OR2L13: variants seen among roughly 807,000 people sequenced by gnomAD.
OR2L13 encodes olfactory receptor family 2 subfamily L member 13.
Under a neutral mutation model 15.3 loss-of-function variants are expected in OR2L13, and 14 were observed. That is an observed-to-expected ratio of 0.91 (90% CI 0.60 to 1.43). The LOEUF (loss-of-function observed/expected upper bound fraction) is 1.43. Among genes scored for constraint, OR2L13 ranks in the 40% most tolerant of loss-of-function variants. OR2L13 has a pLI of 0.00. For missense variants in OR2L13, 367 were observed against 387.9 expected, an observed-to-expected ratio of 0.95 and a Z score of 0.45; for synonymous variants, 152 against 142.9, an observed-to-expected ratio of 1.06 and a Z score of -0.45.
the OR2L13 span, among the ~76,000 whole-genome samples, chr1:248,043,897 G>A: frequency 6.6e-6 from 1 of 152,076 alleles, no homozygotes; most frequent in Non-Finnish European, 1.5e-5. Flanking sequence ...TTCTTAATTA[G>A]TATATTTTTC....
chr1:247,949,272 G>T, the OR2L13 span: 14 of 1,614,020 alleles, frequency 8.7e-6, no homozygotes, highest in South Asian at 1.4e-4. Context: ...GAGCAAAAGA[G>T]TGTGTGTGCT....
the OR2L13 span, among the ~76,000 whole-genome samples, chr1:248,072,536 C>A: frequency 6.6e-6 from 1 of 151,974 alleles, no homozygotes; most frequent in Non-Finnish European, 1.5e-5. Context: ...AGAAGAAAAC[C>A]TAGGCATTAC....
the OR2L13 span, chr1:248,083,538 A>C: frequency 1.1e-6 from 1 of 899,202 alleles, no homozygotes; most frequent in Non-Finnish European, 1.7e-6. Flanking sequence ...TCAATGCACA[A>C]ACTTAATTTT....
At chr1:248,059,380 T>C in the OR2L13 span, among the ~76,000 whole-genome samples, 1 of 152,200 alleles carries the variant, frequency 6.6e-6, no homozygotes, top group Non-Finnish European at 1.5e-5. Context: ...ATTTAAGAGA[T>C]TGAATTTTCC....
chr1:247,990,378 C>G, the OR2L13 span: 92 of 1,577,880 alleles, frequency 5.8e-5, no homozygotes, highest in East Asian at 7.0e-4. Context: ...CCTAATGGCT[C>G]TAATTGGAAA....
the OR2L13 span, among the ~76,000 whole-genome samples, chr1:247,942,471 C>T: frequency 6.6e-6 from 1 of 152,028 alleles, no homozygotes. Flanking sequence ...TTCTACTTGC[C>T]AATAATTAAA....
the OR2L13 span, among the ~76,000 whole-genome samples, chr1:248,066,048 C>T: frequency 6.6e-6 from 1 of 152,226 alleles, no homozygotes; most frequent in East Asian, 1.9e-4. Flanking sequence ...CAGAATTAAC[C>T]CTTATTTTTC....
At chr1:248,027,362 C>G in the OR2L13 span, among the ~76,000 whole-genome samples, 1 of 152,196 alleles carries the variant, frequency 6.6e-6, no homozygotes, top group African/African-American at 2.4e-5. Context: ...TCGCCCCAGT[C>G]CTGTGGTCCC....
the OR2L13 span, among the ~76,000 whole-genome samples, chr1:248,054,199 A>G: frequency 6.6e-6 from 1 of 152,162 alleles, no homozygotes; most frequent in East Asian, 1.9e-4. Context: ...TCCCAGCACC[A>G]TTTATTAAAT....
chr1:247,940,561 G>A, the OR2L13 span, among the ~76,000 whole-genome samples: 2 of 152,110 alleles, frequency 1.3e-5, no homozygotes, highest in Non-Finnish European at 2.9e-5. Flanking sequence ...TGTTATCAAA[G>A]TTTTGGGTTG....
chr1:248,030,713 T>G, the OR2L13 span, among the ~76,000 whole-genome samples: 1 of 152,170 alleles, frequency 6.6e-6, no homozygotes, highest in South Asian at 2.1e-4. Flanking sequence ...GCTTACAAAC[T>G]CTGAATCTCA....
the OR2L13 span, chr1:248,084,065 G>A: frequency 4.3e-4 from 694 of 1,610,946 alleles, no homozygotes; most frequent in African/African-American, 7.3e-3. Context: ...CGGGGGCCTC[G>A]CAGAAGAAGT....
At chr1:248,083,617 G>T in the OR2L13 span, 3 of 1,348,424 alleles carry the variant, frequency 2.2e-6, no homozygotes, top group African/African-American at 2.9e-5. Flanking sequence ...GGAACTTAGA[G>T]TCATTTGACA....
At chr1:248,056,165 A>T in the OR2L13 span, among the ~76,000 whole-genome samples, 149,387 of 152,240 alleles carry the variant, frequency 0.98, 73,356 homozygotes, top group Middle Eastern at 1. Flanking sequence ...CTCTCTTTAC[A>T]TCTTTATTAT....
At chr1:248,074,680 A>G in the OR2L13 span, among the ~76,000 whole-genome samples, 1 of 151,920 alleles carries the variant, frequency 6.6e-6, no homozygotes, top group Non-Finnish European at 1.5e-5. Flanking sequence ...ACTACTAAAG[A>G]GGTTAAGGAG....
the OR2L13 span, among the ~76,000 whole-genome samples, chr1:248,048,480 T>C: frequency 1.3e-5 from 2 of 152,184 alleles, no homozygotes; most frequent in African/African-American, 4.8e-5. Context: ...TGTGGAGAGC[T>C]GTCCTTGTCT....
chr1:248,077,262 T>C, the OR2L13 span, among the ~76,000 whole-genome samples: 1 of 152,222 alleles, frequency 6.6e-6, no homozygotes, highest in Non-Finnish European at 1.5e-5. Context: ...TACTGAGGAT[T>C]TTCGTATTGA....
the OR2L13 span, among the ~76,000 whole-genome samples, chr1:247,957,177 C>A: frequency 6.6e-6 from 1 of 152,024 alleles, no homozygotes; most frequent in Non-Finnish European, 1.5e-5. Context: ...TTGTCGAAGG[C>A]CTTTTCTGCA....
At chr1:247,944,575 T>C in the OR2L13 span, among the ~76,000 whole-genome samples, 1 of 152,186 alleles carries the variant, frequency 6.6e-6, no homozygotes, top group Non-Finnish European at 1.5e-5. Context: ...TTTCTGTTCT[T>C]GCATTAGTTT....
Sources: allele counts gnomAD v4.1 joint callset (sites outside exome capture counted in the v4.1 genomes callset), GRCh38; gene constraint gnomAD v4.1.1; transcripts MANE v1.5; gene names NCBI Gene and HGNC (gene_info 2026-07-23, HGNC 2026-07-21).